The following PLEKHA7 variants were observed in gnomAD, a reference collection of about 807,000 sequenced individuals.
The protein encoded by PLEKHA7 is pleckstrin homology domain-containing family A member 7.
A neutral mutation model predicts 170.0 loss-of-function variants in PLEKHA7; 104 were observed. The observed-to-expected ratio is 0.61, with a 90% CI of 0.52 to 0.72. The LOEUF (loss-of-function observed/expected upper bound fraction) is 0.72, where lower values mean the gene tolerates loss of function less well. Ranked by LOEUF, PLEKHA7 falls within the 30% of genes least tolerant of loss-of-function variation. The pLI, the probability that PLEKHA7 is intolerant of heterozygous loss-of-function variation, is 0.00. For synonymous variants in PLEKHA7, 648 were observed against 660.8 expected (o/e 0.98, Z 0.30); for missense variants, 1,615 against 1,671.7 (o/e 0.97, Z 0.59).
intron 3 of PLEKHA7, among the ~76,000 whole-genome samples, chr11:16,879,552 C>G (rs1855556533): frequency 6.6e-6 from 1 of 152,166 alleles, no homozygotes; most frequent in Non-Finnish European, 1.5e-5. Context: ...CTGGCACACA[C>G]TCCATACCAA....
chr11:16,997,710 T>TG (rs1472531981), intron 3 of PLEKHA7, among the ~76,000 whole-genome samples: 1 of 152,034 alleles, frequency 6.6e-6, no homozygotes, highest in African/African-American at 2.4e-5. Flanking sequence ...GTGCATGTGC[T>TG]GGGGGGAGAG....
intron 3 of PLEKHA7, among the ~76,000 whole-genome samples, chr11:16,984,865 T>C (rs996541992): frequency 1.3e-5 from 2 of 152,320 alleles, no homozygotes; most frequent in Middle Eastern, 3.4e-3. Flanking sequence ...AGGTAGATGT[T>C]CTTACTAGCT....
Position 16,817,931 on chromosome 11 carries a change from G to A in PLEKHA7, c.1344-609C>T, listed in dbSNP as rs917536084. 2.0e-5 allele frequency among the ~76,000 whole-genome samples: 3 copies of A among 152,230 alleles called. No individual in the cohort carries two copies. The East Asian group carries it at 5.8e-4, about 29-fold the overall frequency. ...TCTGAAATAAAGTCTAAACTCCTCA[G>A]CCTGGTACTCACAGCTCGCTAGCAG... On this transcript the variant is annotated intron_variant, in intron 10 of 26. Transcript: ENST00000531066. The surrounding 1 kb of genome is among the most constrained non-coding windows in gnomAD (Gnocchi z 4.4).
intron 26 of PLEKHA7, among the ~76,000 whole-genome samples, chr11:16,780,568 G>A (rs1030281683): frequency 6.6e-6 from 1 of 152,214 alleles, no homozygotes; most frequent in African/African-American, 2.4e-5. Flanking sequence ...AGCCCTGAAA[G>A]GCCAAGATCT....
intron 18 of PLEKHA7, 24 bp downstream of exon 18, chr11:16,794,886 C>T (rs751177357): frequency 1.9e-6 from 3 of 1,570,104 alleles, no homozygotes; most frequent in African/African-American, 2.7e-5. Flanking sequence ...AGATCCCCCA[C>T]ATCCAGGAAG....
intron 3 of PLEKHA7, among the ~76,000 whole-genome samples, chr11:17,001,189 T>C (rs77534880): frequency 0.051 from 7,776 of 152,214 alleles, 378 homozygotes; most frequent in East Asian, 0.15. Context: ...TCCTCTCCTG[T>C]CTTGGACTGG....
At position 16,817,389 on chromosome 11, in the gene PLEKHA7, T is replaced by C. The variant is rs200834262; in HGVS notation, c.1344-67A>G. On this transcript the variant is annotated intron_variant, in intron 10 of 26. Transcript: ENST00000531066. This position sits in a 1 kb window ranked among gnomAD's most constrained non-coding sequence, Gnocchi z 4.4. ...GGTTCTGCAGGCTTTGGGGAACATA[T>C]CTAAGTAAACCCACAAAGCTGGGCA... is the stretch of plus-strand genomic sequence containing the variant. 6.7e-5 allele frequency: 98 copies of C among 1,468,612 alleles called. No individual in the cohort carries two copies. In the East Asian group the frequency reaches 2.0e-3, roughly 29 times the overall value. The allele number at this position is 1,468,612 out of a possible 1,614,324, so 91.0% of individuals were successfully genotyped here.
chr11:16,945,694 G>A (rs1860985841), intron 3 of PLEKHA7, among the ~76,000 whole-genome samples: 1 of 152,222 alleles, frequency 6.6e-6, no homozygotes, highest in African/African-American at 2.4e-5. Context: ...TGGAGGTGAG[G>A]GGTGGTGAGG....
intron 3 of PLEKHA7, among the ~76,000 whole-genome samples, chr11:16,890,793 T>C (rs570652371): frequency 1.7e-4 from 26 of 152,316 alleles, no homozygotes; most frequent in Non-Finnish European, 3.5e-4. Context: ...GTTTTAAAAT[T>C]AATGTCCTGC....
At chr11:16,896,411 C>T (rs959453810) in intron 3 of PLEKHA7, among the ~76,000 whole-genome samples, 3 of 152,136 alleles carry the variant, frequency 2.0e-5, no homozygotes, top group African/African-American at 7.2e-5. Context: ...AGCTGTCCCT[C>T]CCCAAATGCC....
At position 16,917,175 on chromosome 11, in the gene PLEKHA7, C is replaced by T. The variant is rs147086904; in HGVS notation, c.222-45993G>A. On this transcript the variant is annotated intron_variant, in intron 3 of 26. Transcript: ENST00000531066. ...TGGAATTTGCAGTGAGCCAAATTCA[C>T]GCCACTGCCCTCCAGCCTGGGTGAC... Among the ~76,000 whole-genome samples the T allele has an allele frequency of 3.9e-3, 600 of 152,162 alleles. 4 individuals carry two copies. Among genetic ancestry groups the T allele is most frequent in the African/African-American group, 0.012 (515 of 41,518 alleles).
intron 3 of PLEKHA7, among the ~76,000 whole-genome samples, chr11:16,989,426 T>C: frequency 6.6e-6 from 1 of 152,184 alleles, no homozygotes; most frequent in Non-Finnish European, 1.5e-5. Context: ...GAAGAATAAA[T>C]GAGCTAAGGT....
rs935509887 is a variant in PLEKHA7 at position 16,833,024 on chromosome 11, G to A, written c.873-6434C>T. On this transcript the variant is annotated intron_variant, in intron 9 of 26. Coordinates refer to ENST00000531066, the MANE Select transcript of PLEKHA7 (RefSeq NM_001329630.2). The stretch of plus-strand genomic sequence containing the variant: ...ATGTGGAGCACCCTAAGGCAGGCTC[G>A]CTCTTTTGAATGAGTTCCTAGCATT... Among the ~76,000 whole-genome samples, 5 of 152,196 alleles carry A rather than the reference G, an allele frequency of 3.3e-5. 1 individual carries two copies. Among genetic ancestry groups the A allele is most frequent in the South Asian group, 2.1e-4 (1 of 4,828 alleles).
intron 4 of PLEKHA7, among the ~76,000 whole-genome samples, chr11:16,859,152 C>G (rs1242910205): frequency 1.3e-5 from 2 of 152,196 alleles, no homozygotes; most frequent in Admixed American, 6.5e-5. Context: ...TGAGCAGGGA[C>G]AGCTCCCAAC....
chr11:16,951,036 T>C (rs1861375097), intron 3 of PLEKHA7, among the ~76,000 whole-genome samples: 1 of 152,214 alleles, frequency 6.6e-6, no homozygotes, highest in South Asian at 2.1e-4. Flanking sequence ...CATCCTTCTA[T>C]TCTTTTAATC....
intron 3 of PLEKHA7, among the ~76,000 whole-genome samples, chr11:16,871,472 T>G (rs140628591): frequency 2.0e-5 from 3 of 152,296 alleles, no homozygotes; most frequent in African/African-American, 7.2e-5. Context: ...CATGAAGTAC[T>G]TACTCCAGCA....
intron 3 of PLEKHA7, among the ~76,000 whole-genome samples, chr11:16,916,089 T>C (rs1175305141): frequency 2.0e-5 from 3 of 152,112 alleles, no homozygotes; most frequent in African/African-American, 7.2e-5. Context: ...ATTGTGGTTT[T>C]GATTTGCATT....
In PLEKHA7 at chr11:16,789,140, AG is replaced by A; in HGVS notation, c.3312del (p.Ser1105HisfsTer44). The A allele has an allele frequency of 3.1e-6, 5 of 1,609,818 alleles. No individual in the cohort carries two copies. In the East Asian group the frequency reaches 1.1e-4, roughly 36 times the overall value. Reference sequence around the variant, plus strand: ...AGCGGCCGGCTGAGGTAGCGAGATGAGGGCAGGCCCGTCCTCTCCCCTTGGC... The same window carrying A: ...AGCGGCCGGCTGAGGTAGCGAGATGAGGCAGGCCCGTCCTCTCCCCTTGGC... ...TLGQGERTGL[P>X]SSRYLSRPLP... On this transcript the variant is annotated frameshift_variant, in exon 23 of 27. Transcript: ENST00000531066. LOFTEE classifies it high-confidence loss of function. The surrounding 1 kb of genome is among the most constrained non-coding windows in gnomAD (Gnocchi z 4.6).
At chr11:16,801,454 G>A (rs1332195543) in intron 16 of PLEKHA7, among the ~76,000 whole-genome samples, 5 of 152,194 alleles carry the variant, frequency 3.3e-5, no homozygotes, top group Non-Finnish European at 5.9e-5. Context: ...TTCAAGAGTC[G>A]CTGTGGTAAG....
Sources: allele counts gnomAD v4.1 joint callset (sites outside exome capture counted in the v4.1 genomes callset), GRCh38; gene constraint gnomAD v4.1.1; non-coding constraint Gnocchi (gnomAD v3.1); transcripts MANE v1.5; gene names NCBI Gene and HGNC (gene_info 2026-07-23, HGNC 2026-07-21).